Variants in NPHS1 observed in about 807,000 individuals in gnomAD.
The protein encoded by NPHS1 is nephrin.
A neutral mutation model predicts 139.7 loss-of-function variants in NPHS1; 107 were observed. The observed-to-expected ratio is 0.77, with a 90% CI of 0.66 to 0.90. The LOEUF is 0.90. Ranked by LOEUF, NPHS1 falls within the 40% of genes least tolerant of loss-of-function variation. The pLI, the probability that NPHS1 is intolerant of heterozygous loss-of-function variation, is 0.00. For missense variants in NPHS1, 1,580 were observed against 1,654.2 expected, an observed-to-expected ratio of 0.96 and a Z score of 0.78; for synonymous variants, 707 against 706.6, an observed-to-expected ratio of 1.00 and a Z score of -0.01.
At chr19:35,841,591 C>T (rs1384568501) in intron 20 of NPHS1, 124 bp downstream of exon 20, 1 of 1,143,604 alleles carries the variant, frequency 8.7e-7, no homozygotes, top group Middle Eastern at 2.4e-4. Context: ...CAGGCAAAAA[C>T]TCCATCCTCA....
chr19:35,842,139 T>C lies in NPHS1; in HGVS notation c.2648A>G (p.Asp883Gly). Residue 883 changes from aspartate to glycine, a missense_variant, in exon 19 of 29, where the codon GAT becomes GGT. Asp to Gly is a moderately conservative substitution (Grantham distance 94). Coordinates refer to ENST00000378910, the MANE Select transcript of NPHS1 (RefSeq NM_004646.4). ...FTWTKNGVPLDLQDPRYTEHT... is the reference protein window; with the variant it reads ...FTWTKNGVPLGLQDPRYTEHT... ...TTGGGCTCACCTGGGATCTTGGAGATCCAGAGGGACCCCGTTTTTTGTCCA... is the reference window on the plus strand; with the variant it reads ...TTGGGCTCACCTGGGATCTTGGAGACCCAGAGGGACCCCGTTTTTTGTCCA... 1 of 1,605,842 alleles carries C rather than the reference T, an allele frequency of 6.2e-7. No homozygotes were observed.
rs1392236567 is a variant in NPHS1 at position 35,844,475 on chromosome 19, C to T, written c.1931-16G>A. The T allele has an allele frequency of 6.4e-7, 1 of 1,554,082 alleles. No individual in the cohort carries two copies. The highest frequency in any genetic ancestry group is 8.7e-7 in the Non-Finnish European group (1 of 1,152,302). On this transcript the variant is annotated splice_polypyrimidine_tract_variant and intron_variant, in intron 14 of 28. Coordinates refer to ENST00000378910, the MANE Select transcript of NPHS1 (RefSeq NM_004646.4). ...TCTGGACGGTCTTCAGAGGGGGCGC[C>T]GCAGGGAGTCAAGATTGTTGTTAAG...
chr19:35,837,030 G>GA (rs1210141583), intron 22 of NPHS1, among the ~76,000 whole-genome samples: 128 of 35,726 alleles, frequency 3.6e-3, no homozygotes, highest in African/African-American at 0.023. Flanking sequence ...GAAAAGAAAA[G>GA]AAAGAAAGAA....
chr19:35,843,919 C>G lies in NPHS1; in HGVS notation c.2212+184G>C. 3 of 831,356 alleles carry G rather than the reference C, an allele frequency of 3.6e-6. No homozygotes were observed. The South Asian group carries it at 5.4e-5, about 15-fold the overall frequency. 51.5% of individuals were successfully genotyped at this position (831,356 alleles called of 1,614,324 possible). ...ACCCTCTCTGGGCAGAGATTCCACA[C>G]TGGGTCTCTCTAGTGGGAGGGGTTC... On this transcript the variant is annotated intron_variant, in intron 16 of 28. Coordinates refer to ENST00000378910, the MANE Select transcript of NPHS1 (RefSeq NM_004646.4).
Position 35,831,486 on chromosome 19 carries a change from T to C in NPHS1, c.3301A>G (p.Thr1101Ala), listed in dbSNP as rs755336619. 6.2e-7 allele frequency: 1 copy of C among 1,613,922 alleles called. No individual in the cohort carries two copies. Among genetic ancestry groups the C allele is most frequent in the Admixed American group, 1.7e-5 (1 of 59,984 alleles). The change falls in exon 25 of 29, where the codon ACA becomes GCA. Residue 1101 changes from threonine (T) to alanine (A), a missense_variant. Transcript: ENST00000378910. ...AATATCCCCACTTACCCTGCCTCTG[T>C]CTTCTCTGAGATGCCTGAAGGAAAC... Reference protein sequence around the residue: ...RRLAEGISEKTEAGSEEDRVR... With the variant: ...RRLAEGISEKAEAGSEEDRVR...
At chr19:35,847,947 T>C in intron 11 of NPHS1, 94 bp downstream of exon 11, 2 of 1,381,890 alleles carry the variant, frequency 1.4e-6, no homozygotes, top group Admixed American at 4.3e-5. Context: ...AATTTAATCT[T>C]TTTCCAAGAT....
chr19:35,834,110 G>T (rs1699996305), intron 23 of NPHS1, among the ~76,000 whole-genome samples: 1 of 152,098 alleles, frequency 6.6e-6, no homozygotes, highest in Non-Finnish European at 1.5e-5. Flanking sequence ...TCATCTCCCA[G>T]TAGTCACATC....
Position 35,848,072 on chromosome 19 carries a change from C to T in NPHS1, c.1409G>A (p.Gly470Asp). Residue 470 changes from glycine (G) to aspartate (D), a missense_variant, in exon 11 of 29, where the codon GGC becomes GAC. Physicochemically the swap from Gly to Asp is moderately conservative, Grantham distance 94. Coordinates refer to ENST00000378910, the MANE Select transcript of NPHS1 (RefSeq NM_004646.4). The part of the protein sequence containing the change: ...RVRLVCLAIG[G>D]NPEPSLMWYK... ...CCACATGAGGGAGGGCTCTGGGTTG[C>T]CCCCGATAGCCAAACACACCAGCCT... 6.2e-7 allele frequency: 1 copy of T among 1,613,832 alleles called. No individual in the cohort carries two copies. The highest frequency in any genetic ancestry group is 2.2e-5 in the East Asian group (1 of 44,880).
In NPHS1 at chr19:35,845,964, T is replaced by TA; in HGVS notation, c.1627+43_1627+44insT. ...TGGGTCCCTGCCCCACCTGGCTCTG[T>TA]CCCTCCCGCCCCGCCCCCGGGCCTC... On this transcript the variant is annotated intron_variant, in intron 12 of 28. Transcript: ENST00000378910. This position sits in a 1 kb window ranked among gnomAD's most constrained non-coding sequence, Gnocchi z 5.5. The TA allele has an allele frequency of 1.7e-5, 26 of 1,528,504 alleles. No individual in the cohort carries two copies. The highest frequency in any genetic ancestry group is 2.0e-4 in the Middle Eastern group (1 of 5,086). 94.7% of individuals were successfully genotyped at this position (1,528,504 alleles called of 1,614,324 possible). A position where few individuals can be genotyped will look rare whatever the true frequency, so the allele number is the denominator to read the frequency against.
rs34277375 is a variant in NPHS1 at position 35,835,746 on chromosome 19, G to T, written c.3125C>A (p.Ser1042Tyr). Reference sequence around the variant, plus strand: ...GGGCAGCTGGTCTTCAGGTTCTCCAGAAGGCTGGTGGAGACCTGGGGGGTG... The same window carrying T: ...GGGCAGCTGGTCTTCAGGTTCTCCATAAGGCTGGTGGAGACCTGGGGGGTG... ...PITTPGLHQPSGEPEDQLPTE... is the reference protein window; with the variant it reads ...PITTPGLHQPYGEPEDQLPTE... Residue 1042 changes from serine to tyrosine, a missense_variant, in exon 23 of 29, where the codon TCT becomes TAT. By Grantham distance (144) the Ser-to-Tyr change is moderately radical (BLOSUM62 -2). Coordinates refer to ENST00000378910, the MANE Select transcript of NPHS1 (RefSeq NM_004646.4). 5 of 1,613,716 alleles carry T rather than the reference G, an allele frequency of 3.1e-6. No homozygotes were observed. Among genetic ancestry groups the T allele is most frequent in the Non-Finnish European group, 4.2e-6 (5 of 1,179,808 alleles).
chr19:35,836,251 G>A (rs1330360099), intron 22 of NPHS1, among the ~76,000 whole-genome samples: 7 of 145,614 alleles, frequency 4.8e-5, no homozygotes, highest in South Asian at 2.2e-4. Context: ...GAGCCACTGC[G>A]CCTGGCCATT....
intron 8 of NPHS1, 52 bp from the exon 9 acceptor site, chr19:35,848,846 C>T (rs1289486002): frequency 1.2e-6 from 2 of 1,613,444 alleles, no homozygotes; most frequent in Non-Finnish European, 1.7e-6. Context: ...TCTCACAGAC[C>T]AGCCCAGACA....
At chr19:35,851,180 T>C in intron 3 of NPHS1, 82 bp downstream of exon 3, 1 of 1,613,114 alleles carries the variant, frequency 6.2e-7, no homozygotes. Context: ...GAGGAGAGGC[T>C]GGGGGCTTGG....
At chr19:35,833,133 G>A (rs1002126859) in intron 23 of NPHS1, among the ~76,000 whole-genome samples, 1 of 151,550 alleles carries the variant, frequency 6.6e-6, no homozygotes, top group African/African-American at 2.4e-5. Context: ...GCTTCAAGTG[G>A]TCTGCCCACC....
Position 35,848,447 on chromosome 19 carries a change from C to T in NPHS1, c.1171-50G>A, listed in dbSNP as rs367770144. ...TGGGGACTGCAGCACCCCTATCCATCGTGCTAGAGGCCTGAGTCCATCCCA... is the reference window on the plus strand; with the variant it reads ...TGGGGACTGCAGCACCCCTATCCATTGTGCTAGAGGCCTGAGTCCATCCCA... On this transcript the variant is annotated intron_variant, in intron 9 of 28. Coordinates refer to ENST00000378910, the MANE Select transcript of NPHS1 (RefSeq NM_004646.4). 59 of 1,613,028 alleles carry T rather than the reference C, an allele frequency of 3.7e-5. No homozygotes were observed. In the South Asian group the frequency reaches 5.7e-4, roughly 16 times the overall value.
In NPHS1 at chr19:35,846,099, C is replaced by T. The variant is rs970403739; in HGVS notation, c.1536G>A (p.Glu512=). ...CCGACGGCCCTGTGACCAGCACCAG[C>T]TCTCGGGAGAAGGTGCTCCCAGATT... The part of the protein sequence containing the change: ...VEKSGSTFSR[E]LVLVTGPSDN... Residue 512 remains glutamate, a synonymous_variant, in exon 12 of 29, where the codon GAG becomes GAA. Transcript: ENST00000378910. The T allele has an allele frequency of 1.3e-6, 2 of 1,596,998 alleles. No individual in the cohort carries two copies. Among genetic ancestry groups the T allele is most frequent in the Non-Finnish European group, 1.7e-6 (2 of 1,172,462 alleles).
In NPHS1 at chr19:35,844,171, C is replaced by T. The variant is rs1169055521; in HGVS notation, c.2144G>A (p.Gly715Asp). ...HLWNVTRADD[G>D]LYQLHCQNSE... is the part of the protein sequence containing the mutation. ...GTTCTGGCAGTGCAGCTGATAGAGG[C>T]CGTCGTCCGCGCGGGTCACATTCCA... Residue 715 changes from glycine (G) to aspartate (D), a missense_variant, in exon 16 of 29, where the codon GGC (glycine) becomes GAC (aspartate). Coordinates refer to ENST00000378910, the MANE Select transcript of NPHS1 (RefSeq NM_004646.4). 1 of 1,610,988 alleles carries T rather than the reference C, an allele frequency of 6.2e-7. No homozygotes were observed. The highest frequency in any genetic ancestry group is 8.5e-7 in the Non-Finnish European group (1 of 1,180,000).
In NPHS1 at chr19:35,826,639, A is replaced by G; in HGVS notation, c.3601T>C (p.Trp1201Arg). The G allele has an allele frequency of 6.2e-7, 1 of 1,614,120 alleles. No individual in the cohort carries two copies. Among genetic ancestry groups the G allele is most frequent in the Non-Finnish European group, 8.5e-7 (1 of 1,180,020 alleles). The change falls in exon 29 of 29, where the codon TGG becomes CGG. Residue 1201 changes from tryptophan to arginine, a missense_variant. Physicochemically the swap from Trp to Arg is moderately radical, Grantham distance 101. Transcript: ENST00000378910. ...GTGTCTTCAGGCCAGTGGAGGTCCC[A>G]GGGTCCCTGACAGGCAAAAAGTGGA... is the stretch of plus-strand genomic sequence containing the variant. ...PLYDEVQMGP[W>R]DLHWPEDTYQ... is the part of the protein sequence containing the mutation.
At chr19:35,849,462 G>A in intron 6 of NPHS1, 88 bp downstream of exon 6, 3 of 1,597,130 alleles carry the variant, frequency 1.9e-6, no homozygotes, top group Non-Finnish European at 2.6e-6. Flanking sequence ...CTGAGTGCCT[G>A]AATTTCCATA....
Sources: gnomAD v4.1 joint callset for allele counts (sites outside exome capture counted in the v4.1 genomes callset) on GRCh38, gnomAD v4.1.1 for gene constraint, Gnocchi (gnomAD v3.1) non-coding constraint, MANE v1.5 for transcripts, NCBI Gene and HGNC (gene_info 2026-07-23, HGNC 2026-07-21) for gene names.